LHFPL2: variants seen among roughly 807,000 people sequenced by gnomAD.
LHFPL2 encodes LHFPL tetraspan subfamily member 2 protein.
In LHFPL2, 7 loss-of-function variants were observed where a neutral mutation model predicts 17.5. The ratio of observed to expected loss-of-function variants is 0.40; its 90% confidence interval spans 0.23 to 0.75. The LOEUF (loss-of-function observed/expected upper bound fraction) is 0.75, where lower values mean the gene tolerates loss of function less well. LHFPL2 is among the 30% of genes least tolerant of loss of function. LHFPL2 has a pLI of 0.37. For synonymous variants in LHFPL2, 134 were observed against 116.2 expected (o/e 1.15, Z -0.99); for missense variants, 241 against 294.8 (o/e 0.82, Z 1.34).
chr5:78,586,674 G>T (rs1743417387), intron 2 of LHFPL2, among the ~76,000 whole-genome samples: 1 of 152,098 alleles, frequency 6.6e-6, no homozygotes. Context: ...TCAGGTAGGA[G>T]ATTCCACATT....
chr5:78,512,469 T>A (rs1342712405), intron 3 of LHFPL2, among the ~76,000 whole-genome samples: 2 of 151,248 alleles, frequency 1.3e-5, no homozygotes, highest in African/African-American at 4.9e-5. Flanking sequence ...AGCTCCCTCC[T>A]CCAGATAGTA....
intron 3 of LHFPL2, among the ~76,000 whole-genome samples, chr5:78,519,195 C>T (rs1294144036): frequency 2.0e-5 from 3 of 152,008 alleles, no homozygotes; most frequent in South Asian, 4.2e-4. Flanking sequence ...CTGGGGGAAT[C>T]CACAGAAGAA....
At chr5:78,588,652 T>C (rs1232970605) in intron 2 of LHFPL2, among the ~76,000 whole-genome samples, 2 of 152,206 alleles carry the variant, frequency 1.3e-5, no homozygotes, top group African/African-American at 2.4e-5. Context: ...AAAAGCTCCA[T>C]GCTGATGTTT....
intron 1 of LHFPL2, among the ~76,000 whole-genome samples, chr5:78,635,102 T>G (rs1745387268): frequency 6.6e-6 from 1 of 152,194 alleles, no homozygotes; most frequent in Admixed American, 6.5e-5. Flanking sequence ...TCTGGTTTAC[T>G]CCGACAGCAG....
chr5:78,582,610 T>G (rs1265742489), intron 2 of LHFPL2, among the ~76,000 whole-genome samples: 2 of 152,020 alleles, frequency 1.3e-5, no homozygotes, highest in African/African-American at 2.4e-5. Flanking sequence ...GTGAGATTCT[T>G]AATCCTGAGT....
rs1754999606 is a variant in LHFPL2, at chr5:78,508,385, G to A, written c.430+1399C>T. On this transcript the variant is annotated intron_variant, in intron 4 of 4. Coordinates refer to ENST00000380345, the MANE Select transcript of LHFPL2 (RefSeq NM_005779.3). ...TGAGGGACCTGAGACTTGTCCCTTT[G>A]GGCCAGAAAGTTTAAAGGGCCTGGT... is the stretch of plus-strand genomic sequence containing the variant. Among the ~76,000 whole-genome samples the A allele has an allele frequency of 2.0e-5, 3 of 152,088 alleles. No homozygotes were observed. In the South Asian group the frequency reaches 6.2e-4, roughly 32 times the overall value.
intron 2 of LHFPL2, among the ~76,000 whole-genome samples, chr5:78,589,086 G>A (rs959898606): frequency 6.6e-6 from 1 of 152,176 alleles, no homozygotes; most frequent in Admixed American, 6.5e-5. Flanking sequence ...AGGATTCAAA[G>A]TCAGGCCTGG....
intron 3 of LHFPL2, among the ~76,000 whole-genome samples, chr5:78,514,127 C>T (rs866323392): frequency 6.6e-6 from 1 of 152,162 alleles, no homozygotes; most frequent in Non-Finnish European, 1.5e-5. Context: ...GCCTGGCATC[C>T]GTTGCTATTA....
At chr5:78,519,901 T>G (rs974948745) in intron 3 of LHFPL2, among the ~76,000 whole-genome samples, 1 of 152,218 alleles carries the variant, frequency 6.6e-6, no homozygotes, top group Non-Finnish European at 1.5e-5. Context: ...TTTCCCCATG[T>G]AAAAGGAGTT....
chr5:78,628,717 G>A (rs1336894515), intron 2 of LHFPL2, among the ~76,000 whole-genome samples: 2 of 152,236 alleles, frequency 1.3e-5, no homozygotes, highest in East Asian at 1.9e-4. Flanking sequence ...GGAACAAGGA[G>A]AATGAGAACT....
rs140204408 is a variant in LHFPL2 at position 78,488,996 on chromosome 5, G to C, written c.588C>G (p.Phe196Leu). 729 of 1,614,108 alleles carry C rather than the reference G, an allele frequency of 4.5e-4. 1 individual carries two copies. Among genetic ancestry groups the C allele is most frequent in the Non-Finnish European group, 6.0e-4 (704 of 1,180,042 alleles). ...YTAIGGTVLTFICAVFSAQAE... is the reference protein window; with the variant it reads ...YTAIGGTVLTLICAVFSAQAE... ...CTTGTGCAGAGAAGACAGCACAGAT[G>C]AAAGTGAGGACTGTGCCCCCAATGG... The change falls in exon 5 of 5, where the codon TTC becomes TTG. Residue 196 changes from phenylalanine to leucine, a missense_variant. Transcript: ENST00000380345.
intron 4 of LHFPL2, among the ~76,000 whole-genome samples, chr5:78,504,034 C>T (rs1754857998): frequency 6.6e-6 from 1 of 151,994 alleles, no homozygotes; most frequent in Non-Finnish European, 1.5e-5. Flanking sequence ...TTACTTTTTA[C>T]CAAGGGACTA....
At chr5:78,603,597 T>G (rs188568155) in intron 2 of LHFPL2, among the ~76,000 whole-genome samples, 24 of 152,296 alleles carry the variant, frequency 1.6e-4, no homozygotes, top group African/African-American at 5.1e-4. Flanking sequence ...AGATGTTTGC[T>G]GGCCGGGCAT....
chr5:78,639,121 C>T (rs937595150), intron 1 of LHFPL2, among the ~76,000 whole-genome samples: 24 of 152,186 alleles, frequency 1.6e-4, no homozygotes, highest in African/African-American at 5.8e-4. Flanking sequence ...GCCCCCCAGC[C>T]ACCTGTCCAC....
intron 3 of LHFPL2, among the ~76,000 whole-genome samples, chr5:78,527,679 C>T (rs1452079612): frequency 6.6e-6 from 1 of 151,304 alleles, no homozygotes; most frequent in African/African-American, 2.4e-5. Flanking sequence ...GATTTTACTT[C>T]ACAAAGAAAA....
intron 2 of LHFPL2, among the ~76,000 whole-genome samples, chr5:78,605,050 G>GT (rs750161095): frequency 1.3e-5 from 2 of 152,162 alleles, no homozygotes; most frequent in African/African-American, 2.4e-5. Flanking sequence ...TTTCAAAATT[G>GT]TTTTATCAGA....
intron 2 of LHFPL2, among the ~76,000 whole-genome samples, chr5:78,566,452 A>C (rs557236122): frequency 6.6e-6 from 1 of 151,468 alleles, no homozygotes; most frequent in African/African-American, 2.4e-5. Context: ...TTGTTATAAC[A>C]GTTAAGGAAA....
chr5:78,509,751 C>CT, intron 4 of LHFPL2, 33 bp downstream of exon 4: 1 of 1,590,896 alleles, frequency 6.3e-7, no homozygotes, highest in Non-Finnish European at 8.6e-7. Context: ...TCCATCCCTC[C>CT]ATCCCACCGT....
At chr5:78,548,905 A>C (rs1050823468) in intron 3 of LHFPL2, 6 of 152,258 alleles carry the variant, frequency 3.9e-5, no homozygotes, top group African/African-American at 1.2e-4. Flanking sequence ...AGATTAGATA[A>C]GAAAATTGTA....
Sources: gnomAD v4.1 joint callset for allele counts (sites outside exome capture counted in the v4.1 genomes callset) on GRCh38, gnomAD v4.1.1 for gene constraint, MANE v1.5 for transcripts, NCBI Gene and HGNC (gene_info 2026-07-23, HGNC 2026-07-21) for gene names.